ACOT7: variants seen among roughly 807,000 people sequenced by gnomAD.
The protein encoded by ACOT7 is acyl-CoA thioesterase 7, also known as cytosolic acyl coenzyme A thioester hydrolase.
In ACOT7, 12 loss-of-function variants were observed where a neutral mutation model predicts 40.2. The observed-to-expected ratio is 0.30, with a 90% confidence interval of 0.19 to 0.48. The LOEUF (loss-of-function observed/expected upper bound fraction) is 0.48, where lower values mean the gene tolerates loss of function less well. Ranked by LOEUF, ACOT7 falls within the 20% of genes least tolerant of loss-of-function variation. The pLI, the probability that ACOT7 is intolerant of heterozygous loss-of-function variation, is 0.99. For missense variants in ACOT7, 395 were observed against 530.8 expected (o/e 0.74, Z 2.51); for synonymous variants, 228 against 219.5 (o/e 1.04, Z -0.34).
In ACOT7 at chr1:6,355,487, G is replaced by T. The variant is rs1349039430; in HGVS notation, c.144-5621C>A. Among the ~76,000 whole-genome samples, 1 of 152,160 alleles carries T rather than the reference G, an allele frequency of 6.6e-6. No homozygotes were observed. Among genetic ancestry groups the T allele is most frequent in the Non-Finnish European group, 1.5e-5 (1 of 68,026 alleles). The stretch of plus-strand genomic sequence containing the variant: ...AACCTTCTCAGAGACCAGCTGTCAG[G>T]TGAAAAACAGCAAGGCACAGAGCCA... On this transcript the variant is annotated intron_variant, in intron 1 of 8. Coordinates refer to ENST00000361521, the MANE Select transcript of ACOT7 (RefSeq NM_007274.4). This position sits in a 1 kb window ranked among gnomAD's most constrained non-coding sequence, Gnocchi z 5.0.
intron 2 of ACOT7, among the ~76,000 whole-genome samples, chr1:6,341,615 G>A (rs1209211676): frequency 6.6e-6 from 1 of 152,148 alleles, no homozygotes; most frequent in Admixed American, 6.5e-5. Context: ...GGTGGTGGGT[G>A]CCTGTAGTCC....
intron 5 of ACOT7, 88 bp downstream of exon 5, chr1:6,327,211 A>G (rs1477845050): frequency 1.5e-6 from 2 of 1,326,310 alleles, no homozygotes; most frequent in African/African-American, 1.5e-5. Flanking sequence ...AACCTCAAGC[A>G]TGAGGCTCAC....
chr1:6,389,043 GAA>G (rs137913430), intron 1 of ACOT7, among the ~76,000 whole-genome samples: 8 of 94,888 alleles, frequency 8.4e-5, no homozygotes, highest in Non-Finnish European at 4.6e-5. Context: ...TCCGTCTCAA[GAA>G]AAAAAAAAAA....
chr1:6,360,023 G>T (rs919940166), intron 1 of ACOT7, among the ~76,000 whole-genome samples: 3 of 152,194 alleles, frequency 2.0e-5, no homozygotes, highest in African/African-American at 7.2e-5. Context: ...AAGTCACTCT[G>T]GTAAAAGTTA....
At chr1:6,307,505 CAG>C (rs1377243593) in intron 6 of ACOT7, among the ~76,000 whole-genome samples, 1 of 152,218 alleles carries the variant, frequency 6.6e-6, no homozygotes, top group Non-Finnish European at 1.5e-5. Context: ...CTAATTTATA[CAG>C]AGTGCTCATG....
intron 2 of ACOT7, among the ~76,000 whole-genome samples, chr1:6,340,201 C>T (rs1641235036): frequency 6.6e-6 from 1 of 152,100 alleles, no homozygotes; most frequent in Admixed American, 6.5e-5. Flanking sequence ...CTCCTGACCT[C>T]GTGATCCGCC....
At chr1:6,353,860 G>A (rs1242499753) in intron 1 of ACOT7, among the ~76,000 whole-genome samples, 1 of 151,984 alleles carries the variant, frequency 6.6e-6, no homozygotes, top group East Asian at 1.9e-4. Context: ...AAACTTCAAG[G>A]AAAGAAAGCA....
chr1:6,367,903 C>G (rs531026757), intron 1 of ACOT7, among the ~76,000 whole-genome samples: 1 of 152,334 alleles, frequency 6.6e-6, no homozygotes, highest in African/African-American at 2.4e-5. Flanking sequence ...GTGAGCAAGA[C>G]AAAGAGGAGC....
rs1641851545 is a variant in ACOT7 at position 6,359,968 on chromosome 1, CCTG to C, written c.144-10105_144-10103del. ...CAAGGCCCTTATCAAACTGCCAGAG[CCTG>C]GGCTTATTCTATCTAACCAGCTGGC... On this transcript the variant is annotated intron_variant, in intron 1 of 8. Transcript: ENST00000361521. The surrounding 1 kb of genome is among the most constrained non-coding windows in gnomAD (Gnocchi z 4.1). Among the ~76,000 whole-genome samples, 1 of 152,232 alleles carries C rather than the reference CCTG, an allele frequency of 6.6e-6. No homozygotes were observed. Among genetic ancestry groups the C allele is most frequent in the Non-Finnish European group, 1.5e-5 (1 of 68,038 alleles).
intron 8 of ACOT7, among the ~76,000 whole-genome samples, chr1:6,277,153 C>G (rs984391907): frequency 1.3e-5 from 2 of 152,224 alleles, no homozygotes; most frequent in Non-Finnish European, 2.9e-5. Context: ...GAGTGGGGAA[C>G]GTGAGGCACA....
chr1:6,281,427 G>C (rs1639357343), intron 7 of ACOT7, 141 bp from the exon 8 acceptor site: 1 of 687,072 alleles, frequency 1.5e-6, no homozygotes. Flanking sequence ...TCAAATAACA[G>C]AATATTAGAA....
At chr1:6,281,349 G>A (rs1312480118) in intron 7 of ACOT7, 63 bp from the exon 8 acceptor site, 1 of 1,498,762 alleles carries the variant, frequency 6.7e-7, no homozygotes, top group African/African-American at 1.4e-5. Context: ...GGGGGACACT[G>A]GCGTTTCTGT....
At chr1:6,323,919 C>T (rs957408629) in intron 5 of ACOT7, among the ~76,000 whole-genome samples, 1 of 151,638 alleles carries the variant, frequency 6.6e-6, no homozygotes, top group Non-Finnish European at 1.5e-5. Context: ...GTGGGATGGA[C>T]AGGGGCTGGG....
At chr1:6,283,210 C>T (rs1639405036) in intron 7 of ACOT7, among the ~76,000 whole-genome samples, 1 of 152,186 alleles carries the variant, frequency 6.6e-6, no homozygotes, top group South Asian at 2.1e-4. Flanking sequence ...ATTGCCCAGG[C>T]TGGAGGGCAG....
intron 2 of ACOT7, among the ~76,000 whole-genome samples, chr1:6,341,329 AC>A (rs1236552607): frequency 6.6e-6 from 1 of 151,904 alleles, no homozygotes; most frequent in African/African-American, 2.4e-5. Context: ...TTTAGTAAAG[AC>A]GGGGTTTTAC....
intron 1 of ACOT7, among the ~76,000 whole-genome samples, chr1:6,387,737 A>C (rs1642462329): frequency 6.6e-6 from 1 of 152,222 alleles, no homozygotes; most frequent in South Asian, 2.1e-4. Flanking sequence ...TGCCAGGCTA[A>C]GTGGCCCACT....
At chr1:6,393,026 TGCGGCCAGGAG>T (rs1182395850) in intron 1 of ACOT7, among the ~76,000 whole-genome samples, 1 of 151,686 alleles carries the variant, frequency 6.6e-6, no homozygotes, top group African/African-American at 2.4e-5. Context: ...GCCCTGGAGA[TGCGGCCAGGAG>T]GAGCCGGCTG....
chr1:6,353,334 T>C (rs1392719576), intron 1 of ACOT7, among the ~76,000 whole-genome samples: 5 of 142,826 alleles, frequency 3.5e-5, no homozygotes, highest in East Asian at 2.1e-4. Context: ...AAAAAAAAAA[T>C]TGAAATATAT....
intron 1 of ACOT7, among the ~76,000 whole-genome samples, chr1:6,357,391 G>A (rs1641776020): frequency 6.6e-6 from 1 of 152,220 alleles, no homozygotes; most frequent in Non-Finnish European, 1.5e-5. Context: ...GGTATAGGCA[G>A]GTCAGGCCCA....
Sources: allele counts gnomAD v4.1 joint callset (sites outside exome capture counted in the v4.1 genomes callset), GRCh38; gene constraint gnomAD v4.1.1; non-coding constraint Gnocchi (gnomAD v3.1); transcripts MANE v1.5; gene names NCBI Gene and HGNC (gene_info 2026-07-23, HGNC 2026-07-21).